The following CEP78 variants were observed in gnomAD, a reference collection of about 807,000 sequenced individuals.
CEP78 encodes the protein centrosomal protein of 78 kDa.
CEP78 carries 76 observed loss-of-function variants against 81.2 expected under a neutral mutation model. The observed-to-expected ratio is 0.94, with a 90% CI of 0.78 to 1.13. The LOEUF (loss-of-function observed/expected upper bound fraction) is 1.13. Among genes scored for constraint, CEP78 ranks in the 50% most tolerant of loss-of-function variants. The probability of loss-of-function intolerance (pLI) is 0.00; values close to 1 mark genes in which losing one functional copy is unlikely to be tolerated. For missense variants in CEP78, 918 were observed against 846.8 expected (o/e 1.08, Z -1.04); for synonymous variants, 293 against 301.4 (o/e 0.97, Z 0.29).
chr9:78,257,756 C>T (rs1246926317), intron 11 of CEP78, among the ~76,000 whole-genome samples: 1 of 152,188 alleles, frequency 6.6e-6, no homozygotes, highest in South Asian at 2.1e-4. Context: ...CTTGTCCGCC[C>T]TTTTCAGTGG....
Position 78,252,013 on chromosome 9 carries a change from G to T in CEP78, c.1175G>T (p.Trp392Leu). The change falls in exon 9 of 17, where the codon TGG becomes TTG. Residue 392 changes from tryptophan (W) to leucine (L), a missense_variant. Trp to Leu is a moderately conservative substitution (Grantham distance 61, BLOSUM62 -2). Transcript: ENST00000643273. ...CCTGGTGTGTCTGGTTTCTTGCCGTGGCGTACTGCAGAACGTGCAAAAAGA... is the reference window on the plus strand; with the variant it reads ...CCTGGTGTGTCTGGTTTCTTGCCGTTGCGTACTGCAGAACGTGCAAAAAGA... ...LPPGVSGFLP[W>L]RTAERAKRHR... 6.2e-7 allele frequency: 1 copy of T among 1,600,712 alleles called. No individual in the cohort carries two copies. Among genetic ancestry groups the T allele is most frequent in the Non-Finnish European group, 8.5e-7 (1 of 1,170,502 alleles).
chr9:78,259,818 A>C (rs552670997), intron 11 of CEP78, among the ~76,000 whole-genome samples: 1 of 152,254 alleles, frequency 6.6e-6, no homozygotes, highest in Non-Finnish European at 1.5e-5. Context: ...AAAATAACCT[A>C]AAAGAGAAAT....
chr9:78,260,025 G>T (rs1297302574), intron 11 of CEP78, among the ~76,000 whole-genome samples: 2 of 152,132 alleles, frequency 1.3e-5, no homozygotes, highest in Admixed American at 1.3e-4. Flanking sequence ...CATAAATGCT[G>T]GGGATAAACA....
chr9:78,239,185 T>A (rs1394423735), intron 1 of CEP78, among the ~76,000 whole-genome samples: 1 of 152,106 alleles, frequency 6.6e-6, no homozygotes. Context: ...TGGGTCTAGG[T>A]TGTAGATTTT....
intron 8 of CEP78, among the ~76,000 whole-genome samples, chr9:78,251,580 C>G (rs1034264341): frequency 2.0e-5 from 3 of 151,920 alleles, no homozygotes; most frequent in African/African-American, 7.3e-5. Flanking sequence ...ATCTTTCATT[C>G]TTTGGGTTAC....
At chr9:78,237,172 G>T (rs914090674) in intron 1 of CEP78, among the ~76,000 whole-genome samples, 7 of 151,348 alleles carry the variant, frequency 4.6e-5, no homozygotes, top group Admixed American at 4.6e-4. Context: ...GTAGAGATGG[G>T]GTTTCACCAT....
At chr9:78,254,776 G>A (rs1826933669) in intron 10 of CEP78, 60 bp from the exon 11 acceptor site, 1 of 1,369,526 alleles carries the variant, frequency 7.3e-7, no homozygotes, top group Admixed American at 1.9e-5. Flanking sequence ...TTGATTAGAT[G>A]TCCTTTAGTA....
chr9:78,240,053 G>A lies in CEP78; in HGVS notation c.284G>A (p.Arg95His), dbSNP rs371010271. The change falls in exon 2 of 17, where the codon CGT becomes CAT. Residue 95 changes from arginine (R) to histidine (H), a missense_variant. By Grantham distance (29) the Arg-to-His change is conservative. Transcript: ENST00000643273. ...GACATGAATAAATTTTGCAGAAGTC[G>A]TGTTCCTGCGATAAGATACAAAGAT... The part of the protein sequence containing the change: ...GSDMNKFCRS[R>H]VPAIRYKDVT... The A allele has an allele frequency of 8.9e-6, 14 of 1,581,696 alleles. No individual in the cohort carries two copies. In the Admixed American group the frequency reaches 1.0e-4, roughly 12 times the overall value.
Position 78,248,791 on chromosome 9 carries a change from G to T in CEP78, c.987G>T (p.Lys329Asn), listed in dbSNP as rs559801573. 2 of 1,593,518 alleles carry T rather than the reference G, an allele frequency of 1.3e-6. No homozygotes were observed. Among genetic ancestry groups the T allele is most frequent in the African/African-American group, 1.3e-5 (1 of 74,116 alleles). The change falls in exon 8 of 17, where the codon AAG becomes AAT. Residue 329 changes from lysine (K) to asparagine (N), a missense_variant. Transcript: ENST00000643273. ...EYQWITSPSV[K>N]EPSKTAKQKR... ...AGTGGATAACTTCTCCATCAGTGAA[G>T]GAACCATCCAAAACTGCTAAACAGA...
At chr9:78,260,436 G>A (rs1053327195) in intron 11 of CEP78, among the ~76,000 whole-genome samples, 8 of 152,250 alleles carry the variant, frequency 5.3e-5, no homozygotes, top group South Asian at 2.1e-4. Context: ...GGCCAGGTGC[G>A]GTGGCTCACG....
In CEP78 at chr9:78,262,911, A is replaced by G; in HGVS notation, c.1385A>G (p.Lys462Arg). 1 of 1,524,508 alleles carries G rather than the reference A, an allele frequency of 6.6e-7. No individual in the cohort carries two copies. The highest frequency in any genetic ancestry group is 1.2e-5 in the South Asian group (1 of 81,312). The allele number at this position is 1,524,508 out of a possible 1,614,324, so 94.4% of individuals were successfully genotyped here. A position where few individuals can be genotyped will look rare whatever the true frequency, so the allele number is the denominator to read the frequency against. Residue 462 changes from lysine (K) to arginine (R), a missense_variant, in exon 12 of 17, where the codon AAA becomes AGA. Physicochemically the swap from Lys to Arg is conservative, Grantham distance 26. Transcript: ENST00000643273. ...TACTTTATTACTTAATACTAGGAAA[A>G]ACTGGAGGAGTGCCTAAAGCAGTTA... ...TSIEQEALQE[K>R]LEECLKQLKE...
intron 3 of CEP78, 70 bp downstream of exon 3, chr9:78,240,434 T>C (rs895553641): frequency 2.4e-6 from 3 of 1,271,640 alleles, no homozygotes. Context: ...GCCATGTTAA[T>C]TCCTGTCTGT....
At chr9:78,246,552 A>G (rs538954931) in intron 5 of CEP78, 117 bp from the exon 6 acceptor site, 36 of 546,316 alleles carry the variant, frequency 6.6e-5, no homozygotes, top group Non-Finnish European at 1.1e-4. Context: ...GTGAGCGGAG[A>G]TAGTGCCACT....
chr9:78,248,201 A>T (rs963529574), intron 6 of CEP78, 90 bp from the exon 7 acceptor site: 1 of 712,524 alleles, frequency 1.4e-6, no homozygotes, highest in Non-Finnish European at 2.5e-6. Flanking sequence ...TCATGGGAAA[A>T]AGCAATAATT....
intron 12 of CEP78, among the ~76,000 whole-genome samples, chr9:78,263,269 G>A (rs780284352): frequency 1.3e-4 from 20 of 152,042 alleles, no homozygotes; most frequent in Admixed American, 3.9e-4. Context: ...ATTCAAGAAT[G>A]CATTTATTAG....
intron 1 of CEP78, 194 bp downstream of exon 1, chr9:78,236,797 A>G (rs1825965634): frequency 2.1e-5 from 13 of 628,166 alleles, no homozygotes; most frequent in Admixed American, 3.8e-5. Flanking sequence ...AACGAGACCC[A>G]GGTTATGTGC....
chr9:78,248,985 A>G (rs1826632801), intron 8 of CEP78, 112 bp downstream of exon 8: 2 of 494,964 alleles, frequency 4.0e-6, no homozygotes, highest in South Asian at 2.9e-5. Context: ...GACTCCGTGC[A>G]TATTATGAGG....
chr9:78,261,968 G>A (rs1279694789), intron 11 of CEP78, among the ~76,000 whole-genome samples: 1 of 152,040 alleles, frequency 6.6e-6, no homozygotes, highest in Non-Finnish European at 1.5e-5. Context: ...AACATTGAGG[G>A]AAATAAAAAC....
At chr9:78,255,011 CTAGT>C in intron 11 of CEP78, 47 bp downstream of exon 11, 1 of 1,543,360 alleles carries the variant, frequency 6.5e-7, no homozygotes, top group Non-Finnish European at 8.8e-7. Context: ...ATTTCAAACT[CTAGT>C]TAGTTTTTGG....
Sources: allele counts gnomAD v4.1 joint callset (sites outside exome capture counted in the v4.1 genomes callset), GRCh38; gene constraint gnomAD v4.1.1; transcripts MANE v1.5; gene names NCBI Gene and HGNC (gene_info 2026-07-23, HGNC 2026-07-21).